Variants in PROKR1 observed in about 807,000 individuals in gnomAD.
PROKR1 encodes the protein G protein-coupled receptor 73.
PROKR1 carries 21 observed loss-of-function variants against 22.8 expected under a neutral mutation model. That is an observed-to-expected ratio of 0.92 (90% CI 0.65 to 1.32). The LOEUF is 1.32. Ranked by LOEUF, PROKR1 falls within the 40% of genes most tolerant of loss-of-function variation. The pLI, the probability that PROKR1 is intolerant of heterozygous loss-of-function variation, is 0.00. For synonymous variants in PROKR1, 193 were observed against 207.5 expected, an observed-to-expected ratio of 0.93 and a Z score of 0.60; for missense variants, 548 against 514.2, an observed-to-expected ratio of 1.07 and a Z score of -0.64.
Position 68,655,491 on chromosome 2 carries a change from A to G in PROKR1, c.1097A>G (p.Asn366Ser), listed in dbSNP as rs1272512272. The change falls in exon 3 of 3, where the codon AAT (asparagine) becomes AGT (serine). Residue 366 changes from asparagine (N) to serine (S), a missense_variant. Transcript: ENST00000303786. ...TTGCTCCACTGGAAGGCTTCTTACA[A>G]TGGCGGTAAGTCCAGTGCAGACCTG... The part of the protein sequence containing the change: ...IMLLHWKASY[N>S]GGKSSADLDL... The G allele has an allele frequency of 2.5e-6, 4 of 1,614,086 alleles. No homozygotes were observed. In the African/African-American group the frequency reaches 4.0e-5, roughly 16 times the overall value.
At chr2:68,648,591 G>A (rs1289144608) in intron 2 of PROKR1, among the ~76,000 whole-genome samples, 1 of 152,108 alleles carries the variant, frequency 6.6e-6, no homozygotes, top group Non-Finnish European at 1.5e-5. Context: ...TTCTTTTATT[G>A]ATGTTTGTGA....
At chr2:68,652,009 G>A (rs547613797) in intron 2 of PROKR1, among the ~76,000 whole-genome samples, 1 of 152,296 alleles carries the variant, frequency 6.6e-6, no homozygotes, top group African/African-American at 2.4e-5. Flanking sequence ...AAGAGGAGAA[G>A]GGCTGCTGGG....
chr2:68,647,376 A>G (rs1673209734), intron 2 of PROKR1, among the ~76,000 whole-genome samples: 1 of 152,190 alleles, frequency 6.6e-6, no homozygotes, highest in African/African-American at 2.4e-5. Context: ...GTTACAGTCT[A>G]GAGACAATTA....
intron 2 of PROKR1, among the ~76,000 whole-genome samples, chr2:68,648,163 G>A (rs1036749025): frequency 8.5e-5 from 13 of 152,112 alleles, no homozygotes; most frequent in South Asian, 2.1e-4. Flanking sequence ...CCTACTCCCC[G>A]GATGAGATCC....
chr2:68,646,093 A>G lies in PROKR1; in HGVS notation c.272A>G (p.Lys91Arg), dbSNP rs962690182. The G allele has an allele frequency of 9.3e-6, 15 of 1,613,838 alleles. No individual in the cohort carries two copies. The highest frequency in any genetic ancestry group is 1.2e-5 in the Non-Finnish European group (14 of 1,179,812). ...FIFIAALVRY[K>R]KLRNLTNLLI... is the part of the protein sequence containing the mutation. Reference sequence around the variant, plus strand: ...TTTATCGCTGCCCTGGTCCGCTACAAGAAACTGCGCAACCTCACCAACCTG... The same window carrying G: ...TTTATCGCTGCCCTGGTCCGCTACAGGAAACTGCGCAACCTCACCAACCTG... The change falls in exon 2 of 3, where the codon AAG becomes AGG. Residue 91 changes from lysine to arginine, a missense_variant. By Grantham distance (26) the Lys-to-Arg change is conservative. Coordinates refer to ENST00000303786, the MANE Select transcript of PROKR1 (RefSeq NM_138964.4).
intron 2 of PROKR1, chr2:68,649,379 G>A (rs1458195664): frequency 6.6e-6 from 1 of 152,190 alleles, no homozygotes; most frequent in Non-Finnish European, 1.5e-5. Context: ...CCTGCCTTCA[G>A]TGTTTCTTGG....
chr2:68,657,103 C>T lies in PROKR1; in HGVS notation c.*1527C>T, dbSNP rs942072289. 6.6e-5 allele frequency: 10 copies of T among 152,274 alleles called. No homozygotes were observed. The highest frequency in any genetic ancestry group is 2.4e-4 in the African/African-American group (10 of 41,558). 9.4% of individuals were successfully genotyped at this position (152,274 alleles called of 1,614,324 possible). On this transcript the variant is annotated 3_prime_UTR_variant, in exon 3 of 3. Coordinates refer to ENST00000303786, the MANE Select transcript of PROKR1 (RefSeq NM_138964.4). ...ACTCTGTCAACTGTGTAGCCCTGGG[C>T]AAAGCCTCTCCGAGGGGACAAAGGT...
rs200892456 is a variant in PROKR1 at position 68,655,280 on chromosome 2, T to C, written c.886T>C (p.Cys296Arg). 54 of 1,614,276 alleles carry C rather than the reference T, an allele frequency of 3.3e-5. No homozygotes were observed. In the East Asian group the frequency reaches 9.8e-4, roughly 29 times the overall value. ...GTGCATCCTCACCGCCTACGTGCTA[T>C]GCTGGGCGCCCTTCTACGGCTTCAC... ...LMCILTAYVLCWAPFYGFTIV... is the reference protein window; with the variant it reads ...LMCILTAYVLRWAPFYGFTIV... Residue 296 changes from cysteine (C) to arginine (R), a missense_variant, in exon 3 of 3, where the codon TGC becomes CGC. Coordinates refer to ENST00000303786, the MANE Select transcript of PROKR1 (RefSeq NM_138964.4).
Position 68,657,629 on chromosome 2 carries a change from T to G in PROKR1, c.*2053T>G, listed in dbSNP as rs1236375727. 1 of 152,228 alleles carries G rather than the reference T, an allele frequency of 6.6e-6. No individual in the cohort carries two copies. The highest frequency in any genetic ancestry group is 2.4e-5 in the African/African-American group (1 of 41,452). 9.4% of individuals were successfully genotyped at this position (152,228 alleles called of 1,614,324 possible). ...CAGTCTGTTTTTATTCTCACGAGTGTGTAGGCTACAGCGTGGACTTGTCTT... is the reference window on the plus strand; with the variant it reads ...CAGTCTGTTTTTATTCTCACGAGTGGGTAGGCTACAGCGTGGACTTGTCTT... On this transcript the variant is annotated 3_prime_UTR_variant, in exon 3 of 3. Coordinates refer to ENST00000303786, the MANE Select transcript of PROKR1 (RefSeq NM_138964.4).
chr2:68,646,094 G>C lies in PROKR1; in HGVS notation c.273G>C (p.Lys91Asn), dbSNP rs1673169483. Residue 91 changes from lysine (K) to asparagine (N), a missense_variant, in exon 2 of 3, where the codon AAG becomes AAC. By Grantham distance (94) the Lys-to-Asn change is moderately conservative (BLOSUM62 0). Coordinates refer to ENST00000303786, the MANE Select transcript of PROKR1 (RefSeq NM_138964.4). Reference protein sequence around the residue: ...FIFIAALVRYKKLRNLTNLLI... With the variant: ...FIFIAALVRYNKLRNLTNLLI... ...TTATCGCTGCCCTGGTCCGCTACAAGAAACTGCGCAACCTCACCAACCTGC... is the reference window on the plus strand; with the variant it reads ...TTATCGCTGCCCTGGTCCGCTACAACAAACTGCGCAACCTCACCAACCTGC... The C allele has an allele frequency of 1.2e-6, 2 of 1,613,950 alleles. No individual in the cohort carries two copies. Among genetic ancestry groups the C allele is most frequent in the Non-Finnish European group, 1.7e-6 (2 of 1,179,808 alleles).
chr2:68,655,294 C>G lies in PROKR1; in HGVS notation c.900C>G (p.Phe300Leu). The G allele has an allele frequency of 1.2e-6, 2 of 1,614,270 alleles. No homozygotes were observed. Among genetic ancestry groups the G allele is most frequent in the South Asian group, 2.2e-5 (2 of 91,086 alleles). Residue 300 changes from phenylalanine (F) to leucine (L), a missense_variant, in exon 3 of 3, where the codon TTC (phenylalanine) becomes TTG (leucine). By Grantham distance (22) the Phe-to-Leu change is conservative. Coordinates refer to ENST00000303786, the MANE Select transcript of PROKR1 (RefSeq NM_138964.4). The stretch of plus-strand genomic sequence containing the variant: ...CCTACGTGCTATGCTGGGCGCCCTT[C>G]TACGGCTTCACCATCGTGCGCGACT... ...LTAYVLCWAP[F>L]YGFTIVRDFF...
Position 68,655,743 on chromosome 2 carries a change from GT to G in PROKR1, c.*168del. The G allele has an allele frequency of 1.5e-6, 1 of 689,424 alleles. No homozygotes were observed. The allele number at this position is 689,424 out of a possible 1,614,324, so 42.7% of individuals were successfully genotyped here. A position where few individuals can be genotyped will look rare whatever the true frequency, so the allele number is the denominator to read the frequency against. On this transcript the variant is annotated 3_prime_UTR_variant, in exon 3 of 3. Transcript: ENST00000303786. ...GGAGCTCAGAGTTTCTAAAATGCAT[GT>G]GACCAGACACTATCAACAGTGGCAT...
intron 1 of PROKR1, among the ~76,000 whole-genome samples, chr2:68,644,511 G>A (rs1006401129): frequency 6.6e-6 from 1 of 152,172 alleles, no homozygotes; most frequent in African/African-American, 2.4e-5. Context: ...TCACTGGGGC[G>A]CAGAGGGACT....
chr2:68,647,442 C>G (rs1169911262), intron 2 of PROKR1, among the ~76,000 whole-genome samples: 2 of 152,170 alleles, frequency 1.3e-5, no homozygotes, highest in Admixed American at 6.5e-5. Context: ...CTGTCTCTCT[C>G]CTTTAACCCA....
chr2:68,644,462 T>C (rs2104177294), intron 1 of PROKR1, among the ~76,000 whole-genome samples: 1 of 151,974 alleles, frequency 6.6e-6, no homozygotes, highest in South Asian at 2.1e-4. Context: ...AAAATCAGGG[T>C]AAGGAGTTAG....
chr2:68,647,715 A>G (rs1673220610), intron 2 of PROKR1, among the ~76,000 whole-genome samples: 1 of 152,188 alleles, frequency 6.6e-6, no homozygotes. Flanking sequence ...GACATCAGGA[A>G]GTTAGCAGCT....
At chr2:68,647,507 G>T (rs1445420721) in intron 2 of PROKR1, among the ~76,000 whole-genome samples, 1 of 152,182 alleles carries the variant, frequency 6.6e-6, no homozygotes, top group Non-Finnish European at 1.5e-5. Flanking sequence ...GATCTGAGGG[G>T]GTTTGACCTG....
intron 2 of PROKR1, among the ~76,000 whole-genome samples, chr2:68,653,364 C>T (rs1214055925): frequency 1.3e-5 from 2 of 151,856 alleles, no homozygotes; most frequent in African/African-American, 2.4e-5. Context: ...CTAAAGGATG[C>T]TCAATAGGCT....
intron 2 of PROKR1, 66 bp from the exon 3 acceptor site, chr2:68,654,814 A>G (rs1673405343): frequency 6.8e-7 from 1 of 1,478,254 alleles, no homozygotes; most frequent in African/African-American, 1.4e-5. Context: ...TTCAAAAAAA[A>G]AAAAAAAAAG....
Sources: gnomAD v4.1 joint callset for allele counts (sites outside exome capture counted in the v4.1 genomes callset) on GRCh38, gnomAD v4.1.1 for gene constraint, MANE v1.5 for transcripts, NCBI Gene and HGNC (gene_info 2026-07-23, HGNC 2026-07-21) for gene names.